The following FLI1 variants were observed in gnomAD, a reference collection of about 807,000 sequenced individuals.
The protein encoded by FLI1 is Friend leukemia integration 1 transcription factor.
Under a neutral mutation model 53.1 loss-of-function variants are expected in FLI1, and 13 were observed. That is an observed-to-expected ratio of 0.24 (90% confidence interval 0.16 to 0.39). The LOEUF (loss-of-function observed/expected upper bound fraction) is 0.39. Ranked by LOEUF, FLI1 falls within the 10% of genes least tolerant of loss-of-function variation. The pLI is 1.00. For missense variants in FLI1, 424 were observed against 600.5 expected, an observed-to-expected ratio of 0.71 and a Z score of 3.07; for synonymous variants, 244 against 236.7, an observed-to-expected ratio of 1.03 and a Z score of -0.28.
In FLI1 at chr11:128,710,419, G is replaced by A. The variant is rs561142708; in HGVS notation, c.18+16143G>A. Among the ~76,000 whole-genome samples, 12 of 152,136 alleles carry A rather than the reference G, an allele frequency of 7.9e-5. 1 individual carries two copies. The highest frequency in any genetic ancestry group is 2.6e-4 in the Admixed American group (4 of 15,266). On this transcript the variant is annotated intron_variant, in intron 1 of 8. Transcript: ENST00000527786. ...TTGGGATTTCAAAGTTCATGAGGCC[G>A]AACATTGAACTGCTCAAACACTAGT...
intron 1 of FLI1, among the ~76,000 whole-genome samples, chr11:128,745,607 T>C (rs1270405098): frequency 6.6e-6 from 1 of 152,184 alleles, no homozygotes; most frequent in Non-Finnish European, 1.5e-5. Flanking sequence ...CATTAAGAGC[T>C]GGAAAACGGA....
At chr11:128,690,798 G>A (rs1010704851), upstream of FLI1, among the ~76,000 whole-genome samples, 2 of 152,196 alleles carry the variant, frequency 1.3e-5, no homozygotes, top group South Asian at 4.1e-4. Context: ...TTTAAATACT[G>A]GGAAGAGCTT....
rs995120116 is a variant in FLI1 at position 128,813,079 on chromosome 11, G to A, written c.*2091G>A. On this transcript the variant is annotated 3_prime_UTR_variant, in exon 9 of 9. Coordinates refer to ENST00000527786, the MANE Select transcript of FLI1 (RefSeq NM_002017.5). ...AAATGGGATGTGTTTCGGAACATTT[G>A]TCTCCAGTTTTTTTTTAATCTTGCA... 6.0e-6 allele frequency: 1 copy of A among 166,266 alleles called. No individual in the cohort carries two copies. Among genetic ancestry groups the A allele is most frequent in the Non-Finnish European group, 1.3e-5 (1 of 76,600 alleles). The allele number at this position is 166,266 out of a possible 1,614,324, so 10.3% of individuals were successfully genotyped here.
rs572968390 is a variant in FLI1 at position 128,801,172 on chromosome 11, C to T, written c.656-4194C>T. Among the ~76,000 whole-genome samples the T allele has an allele frequency of 1.4e-4, 21 of 152,344 alleles. 1 individual carries two copies. The East Asian group carries it at 2.3e-3, about 17-fold the overall frequency. ...CCACATTCGAGAGGGCCTCCATGCA[C>T]GCTCAGGCTTCTTCTCATAGCAGGC... On this transcript the variant is annotated intron_variant, in intron 5 of 8. Coordinates refer to ENST00000527786, the MANE Select transcript of FLI1 (RefSeq NM_002017.5).
chr11:128,799,574 C>T (rs947760034), intron 5 of FLI1, among the ~76,000 whole-genome samples: 3 of 152,150 alleles, frequency 2.0e-5, no homozygotes, highest in Non-Finnish European at 2.9e-5. Flanking sequence ...ATTTGAATCC[C>T]GGGTTAACTG....
rs149144073 is a variant in FLI1 at position 128,743,275 on chromosome 11, G to A, written c.19-14840G>A. On this transcript the variant is annotated intron_variant, in intron 1 of 8. Coordinates refer to ENST00000527786, the MANE Select transcript of FLI1 (RefSeq NM_002017.5). ...TTAGCTGGCATGGTGGTGTGTGCCTGTAGTCTCAGCTACTTGGTACTTAGG... is the reference window on the plus strand; with the variant it reads ...TTAGCTGGCATGGTGGTGTGTGCCTATAGTCTCAGCTACTTGGTACTTAGG... Among the ~76,000 whole-genome samples, 490 of 152,154 alleles carry A rather than the reference G, an allele frequency of 3.2e-3. 4 individuals are homozygous for A. Among genetic ancestry groups the A allele is most frequent in the African/African-American group, 0.01 (435 of 41,504 alleles).
chr11:128,786,618 A>G (rs1229205043), intron 5 of FLI1, among the ~76,000 whole-genome samples: 1 of 152,154 alleles, frequency 6.6e-6, no homozygotes, highest in Admixed American at 6.5e-5. Context: ...CCCGTCCTCC[A>G]GGCTGCAGAT....
intron 5 of FLI1, among the ~76,000 whole-genome samples, chr11:128,791,187 T>G (rs1457624130): frequency 1.3e-5 from 2 of 152,158 alleles, no homozygotes; most frequent in Non-Finnish European, 2.9e-5. Context: ...AGAGGTGTGA[T>G]AGTTTTGCTC....
intron 1 of FLI1, among the ~76,000 whole-genome samples, chr11:128,718,362 T>G (rs1348546254): frequency 6.6e-6 from 1 of 152,238 alleles, no homozygotes; most frequent in African/African-American, 2.4e-5. Context: ...TTTCCTCATC[T>G]GCAACATGAG....
At chr11:128,693,539 T>G, upstream of FLI1, 2 of 183,344 alleles carry the variant, frequency 1.1e-5, no homozygotes, top group East Asian at 9.2e-5. Flanking sequence ...CCCCAAAAAG[T>G]TTGTCTCCGG....
intron 4 of FLI1, among the ~76,000 whole-genome samples, chr11:128,777,341 G>GAA (rs35403129): frequency 7.5e-4 from 113 of 151,382 alleles, no homozygotes; most frequent in African/African-American, 2.7e-3. Context: ...GTCTGACCTG[G>GAA]AAAAAAAAAC....
intron 1 of FLI1, among the ~76,000 whole-genome samples, chr11:128,722,217 T>G (rs1340131328): frequency 1.3e-5 from 2 of 152,220 alleles, no homozygotes; most frequent in African/African-American, 4.8e-5. Flanking sequence ...TGACATTTAC[T>G]ATATGGCTGA....
chr11:128,795,479 ACTT>A (rs1942406898), intron 5 of FLI1, among the ~76,000 whole-genome samples: 1 of 152,178 alleles, frequency 6.6e-6, no homozygotes, highest in Non-Finnish European at 1.5e-5. Flanking sequence ...AGAAAAATTA[ACTT>A]CTTATGTCCC....
chr11:128,710,087 G>A (rs947927523), intron 1 of FLI1, among the ~76,000 whole-genome samples: 3 of 152,170 alleles, frequency 2.0e-5, no homozygotes, highest in Non-Finnish European at 4.4e-5. Flanking sequence ...AGGAAAGCTG[G>A]GTTGGTCTTT....
At chr11:128,802,475 C>T (rs544996466) in intron 5 of FLI1, among the ~76,000 whole-genome samples, 11 of 152,306 alleles carry the variant, frequency 7.2e-5, no homozygotes, top group Admixed American at 2.0e-4. Flanking sequence ...CTGGGATGGA[C>T]GTTGGATGAA....
At chr11:128,744,940 G>A (rs1565478451) in intron 1 of FLI1, among the ~76,000 whole-genome samples, 1 of 152,214 alleles carries the variant, frequency 6.6e-6, no homozygotes, top group Admixed American at 6.5e-5. Flanking sequence ...CAGAATGGAG[G>A]TTCTTATGCT....
chr11:128,765,786 G>A (rs1183159739), intron 2 of FLI1, among the ~76,000 whole-genome samples: 2 of 152,166 alleles, frequency 1.3e-5, no homozygotes, highest in African/African-American at 4.8e-5. Flanking sequence ...GTGTATGCAC[G>A]CGTGTGTGTA....
At chr11:128,707,172 C>T (rs565683137) in intron 1 of FLI1, among the ~76,000 whole-genome samples, 10 of 152,238 alleles carry the variant, frequency 6.6e-5, no homozygotes, top group South Asian at 4.2e-4. Context: ...TTTCCCAGCA[C>T]GATACTCTGT....
At chr11:128,714,376 C>A (rs1362797044) in intron 1 of FLI1, among the ~76,000 whole-genome samples, 1 of 152,166 alleles carries the variant, frequency 6.6e-6, no homozygotes, top group Non-Finnish European at 1.5e-5. Flanking sequence ...GATAATTTTA[C>A]CTCGAAGTGA....
Sources: allele counts gnomAD v4.1 joint callset (sites outside exome capture counted in the v4.1 genomes callset), GRCh38; gene constraint gnomAD v4.1.1; transcripts MANE v1.5; gene names NCBI Gene and HGNC (gene_info 2026-07-23, HGNC 2026-07-21).